Variants in ANXA1 observed in about 807,000 individuals in gnomAD.
ANXA1 encodes the protein annexin I (lipocortin I).
A neutral mutation model predicts 47.9 loss-of-function variants in ANXA1; 39 were observed. The ratio of observed to expected loss-of-function variants is 0.81; its 90% CI spans 0.63 to 1.06. The LOEUF is 1.06. ANXA1 is among the 50% of genes least tolerant of loss of function. The probability of loss-of-function intolerance (pLI) is 0.00; values close to 1 mark genes in which losing one functional copy is unlikely to be tolerated. For missense variants in ANXA1, 446 were observed against 422.7 expected, an observed-to-expected ratio of 1.06 and a Z score of -0.48; for synonymous variants, 146 against 142.5, an observed-to-expected ratio of 1.02 and a Z score of -0.17.
chr9:73,152,389 C>T (rs1188172500), intron 1 of ANXA1, among the ~76,000 whole-genome samples: 1 of 152,164 alleles, frequency 6.6e-6, no homozygotes, highest in Non-Finnish European at 1.5e-5. Flanking sequence ...GTAGGACTTT[C>T]ATAATTTATT....
chr9:73,155,922 C>CT (rs536348117), intron 1 of ANXA1, among the ~76,000 whole-genome samples: 56 of 147,736 alleles, frequency 3.8e-4, no homozygotes, highest in African/African-American at 1.0e-3. Flanking sequence ...CTTTCTCTGG[C>CT]TTTTTTTTTA....
At chr9:73,163,428 C>A (rs761892948) in intron 7 of ANXA1, 48 bp from the exon 8 acceptor site, 1 of 1,525,550 alleles carries the variant, frequency 6.6e-7, no homozygotes, top group South Asian at 1.1e-5. Flanking sequence ...GTAAATCATG[C>A]AATTACATGC....
At chr9:73,161,284 A>G (rs899066313) in intron 6 of ANXA1, among the ~76,000 whole-genome samples, 4 of 152,216 alleles carry the variant, frequency 2.6e-5, no homozygotes, top group African/African-American at 4.8e-5. Context: ...AAAAGAATAT[A>G]TAATAACAAA....
rs1824108480 is a variant in ANXA1 at position 73,159,814 on chromosome 9, A to T, written c.270+391A>T. 1.9e-5 allele frequency: 3 copies of T among 158,956 alleles called. No individual in the cohort carries two copies. The Admixed American group carries it at 1.9e-4, about 10-fold the overall frequency. The allele number at this position is 158,956 out of a possible 1,614,324, so 9.8% of individuals were successfully genotyped here. ...AATAAGCCTTATGTCTTTTATACCAAATATGAGTAGTTTTCTAAAGCAATG... is the reference window on the plus strand; with the variant it reads ...AATAAGCCTTATGTCTTTTATACCATATATGAGTAGTTTTCTAAAGCAATG... On this transcript the variant is annotated intron_variant, in intron 4 of 12. Transcript: ENST00000257497.
At position 73,166,133 on chromosome 9, in the gene ANXA1, T is replaced by C; in HGVS notation, c.743T>C (p.Met248Thr). 6.2e-7 allele frequency: 1 copy of C among 1,612,550 alleles called. No homozygotes were observed. Among genetic ancestry groups the C allele is most frequent in the Non-Finnish European group, 8.5e-7 (1 of 1,179,078 alleles). The change falls in exon 10 of 13, where the codon ATG (methionine) becomes ACG (threonine). Residue 248 changes from methionine (M) to threonine (T), a missense_variant. Physicochemically the swap from Met to Thr is moderately conservative, Grantham distance 81. Coordinates refer to ENST00000257497, the MANE Select transcript of ANXA1 (RefSeq NM_000700.3). ...QKYTKYSKHD[M>T]NKVLDLELKG... is the part of the protein sequence containing the mutation. ...TACACCAAGTACAGTAAGCATGACA[T>C]GAACAAAGTTCTGGACCTGGAGTTG...
chr9:73,156,124 TA>T (rs869267508), intron 1 of ANXA1, among the ~76,000 whole-genome samples: 28 of 137,252 alleles, frequency 2.0e-4, no homozygotes, highest in Admixed American at 4.4e-4. Context: ...ATAATAATAA[TA>T]AATAAATAAT....
At chr9:73,157,135 G>GT (rs922627169) in intron 1 of ANXA1, among the ~76,000 whole-genome samples, 2 of 152,078 alleles carry the variant, frequency 1.3e-5, no homozygotes, top group African/African-American at 4.8e-5. Flanking sequence ...TCTTTTCTGG[G>GT]TTTTTTGTGT....
Position 73,160,247 on chromosome 9 carries a change from A to T in ANXA1, c.271-16A>T, listed in dbSNP as rs1377547349. 1 of 1,527,818 alleles carries T rather than the reference A, an allele frequency of 6.5e-7. No individual in the cohort carries two copies. The highest frequency in any genetic ancestry group is 2.4e-5 in the East Asian group (1 of 40,976). The allele number at this position is 1,527,818 out of a possible 1,614,324, so 94.6% of individuals were successfully genotyped here. On this transcript the variant is annotated splice_polypyrimidine_tract_variant and intron_variant, in intron 4 of 12. Transcript: ENST00000257497. ...TTACTTATTGGAAGTCCTGATTCTAATCTTTTTTTTTGTAGCCCCTGGATG... is the reference window on the plus strand; with the variant it reads ...TTACTTATTGGAAGTCCTGATTCTATTCTTTTTTTTTGTAGCCCCTGGATG...
Position 73,158,550 on chromosome 9 carries a change from A to G in ANXA1, c.15A>G (p.Ser5=). The change falls in exon 2 of 13, where the codon TCA becomes TCG. Residue 5 remains serine (S), a synonymous_variant. Coordinates refer to ENST00000257497, the MANE Select transcript of ANXA1 (RefSeq NM_000700.3). ...CTTTTTCAAAAATGGCAATGGTATC[A>G]GAATTCCTCAAGCAGGCCTGGTTTA... MAMV[S]EFLKQAWFIE... is the part of the protein sequence containing the mutation. 6.2e-7 allele frequency: 1 copy of G among 1,613,752 alleles called. No individual in the cohort carries two copies. Among genetic ancestry groups the G allele is most frequent in the Non-Finnish European group, 8.5e-7 (1 of 1,179,824 alleles).
chr9:73,168,356 A>G (rs540094584), intron 11 of ANXA1: 1 of 152,298 alleles, frequency 6.6e-6, no homozygotes, highest in South Asian at 2.1e-4. Flanking sequence ...ACCTGGTGCC[A>G]TGGAAGAGAA....
At chr9:73,154,320 G>C in intron 1 of ANXA1, 1 of 1,366,266 alleles carries the variant, frequency 7.3e-7, no homozygotes, top group Non-Finnish European at 9.8e-7. Flanking sequence ...CAAGTTGACT[G>C]TTAATGAATT....
chr9:73,169,234 T>G (rs1563965259), intron 12 of ANXA1, 80 bp downstream of exon 12: 4 of 1,418,780 alleles, frequency 2.8e-6, no homozygotes, highest in Non-Finnish European at 3.8e-6. Context: ...AGTTGACTTA[T>G]TGTATCTATA....
At chr9:73,157,609 TC>T (rs1284978091) in intron 1 of ANXA1, 1 of 133,902 alleles carries the variant, frequency 7.5e-6, no homozygotes, top group Non-Finnish European at 1.5e-5. Context: ...AGTCGAGATT[TC>T]ACCACTGCAC....
chr9:73,169,289 C>A, intron 12 of ANXA1, 135 bp downstream of exon 12: 1 of 956,536 alleles, frequency 1.0e-6, no homozygotes, highest in Non-Finnish European at 1.4e-6. Context: ...GTGTATACTT[C>A]ATGAGTAAAT....
chr9:73,165,026 T>G, intron 8 of ANXA1, 90 bp from the exon 9 acceptor site: 1 of 999,230 alleles, frequency 1.0e-6, no homozygotes, highest in South Asian at 1.5e-5. Context: ...ACAAAGCGAT[T>G]GCCTATATAA....
At chr9:73,167,667 G>T in intron 11 of ANXA1, 112 bp downstream of exon 11, 1 of 991,568 alleles carries the variant, frequency 1.0e-6, no homozygotes, top group Admixed American at 2.4e-5. Context: ...CCATTAATGA[G>T]AATCATTGTT....
In ANXA1 at chr9:73,158,769, T is replaced by A; in HGVS notation, c.141T>A (p.Asp47Glu). The A allele has an allele frequency of 6.2e-7, 1 of 1,613,932 alleles. No homozygotes were observed. The highest frequency in any genetic ancestry group is 8.5e-7 in the Non-Finnish European group (1 of 1,179,874). Residue 47 changes from aspartate to glutamate, a missense_variant, in exon 3 of 13, where the codon GAT (aspartate) becomes GAA (glutamate). Asp to Glu is a conservative substitution (Grantham distance 45). Coordinates refer to ENST00000257497, the MANE Select transcript of ANXA1 (RefSeq NM_000700.3). ...SPYPTFNPSSDVAALHKAIMV... is the reference protein window; with the variant it reads ...SPYPTFNPSSEVAALHKAIMV... ...ATCCTACCTTCAATCCATCCTCGGA[T>A]GTCGCTGCCTTGCATAAGGCCATAA...
intron 11 of ANXA1, 45 bp from the exon 12 acceptor site, chr9:73,168,987 G>T: frequency 6.4e-7 from 1 of 1,559,886 alleles, no homozygotes; most frequent in Non-Finnish European, 8.7e-7. Flanking sequence ...TTTAATGAGA[G>T]TATTTTCTGA....
Position 73,158,772 on chromosome 9 carries a change from C to T in ANXA1, c.144C>T (p.Val48=), listed in dbSNP as rs780032916. The T allele has an allele frequency of 2.4e-5, 38 of 1,613,716 alleles. No individual in the cohort carries two copies. The highest frequency in any genetic ancestry group is 4.4e-5 in the South Asian group (4 of 91,068). Residue 48 remains valine (V), a synonymous_variant, in exon 3 of 13, where the codon GTC becomes GTT. Coordinates refer to ENST00000257497, the MANE Select transcript of ANXA1 (RefSeq NM_000700.3). ...CTACCTTCAATCCATCCTCGGATGTCGCTGCCTTGCATAAGGCCATAATGG... is the reference window on the plus strand; with the variant it reads ...CTACCTTCAATCCATCCTCGGATGTTGCTGCCTTGCATAAGGCCATAATGG... ...PYPTFNPSSD[V]AALHKAIMVK...
Sources: gnomAD v4.1 joint callset for allele counts (sites outside exome capture counted in the v4.1 genomes callset) on GRCh38, gnomAD v4.1.1 for gene constraint, MANE v1.5 for transcripts, NCBI Gene and HGNC (gene_info 2026-07-23, HGNC 2026-07-21) for gene names.